Variants in GUCY1A2 observed in about 807,000 individuals in gnomAD.
GUCY1A2 encodes the protein guanylate cyclase 1 soluble subunit alpha 2.
GUCY1A2 carries 27 observed loss-of-function variants against 63.5 expected under a neutral mutation model. That is an observed-to-expected ratio of 0.43 (90% CI 0.31 to 0.59). The LOEUF (loss-of-function observed/expected upper bound fraction) is 0.59, where lower values mean the gene tolerates loss of function less well. GUCY1A2 is among the 20% of genes least tolerant of loss of function. The pLI is 0.11. For synonymous variants in GUCY1A2, 364 were observed against 343.5 expected (o/e 1.06, Z -0.66); for missense variants, 768 against 913.3 (o/e 0.84, Z 2.05).
intron 3 of GUCY1A2, among the ~76,000 whole-genome samples, chr11:106,947,964 C>T (rs543894723): frequency 6.6e-6 from 1 of 151,996 alleles, no homozygotes; most frequent in East Asian, 1.9e-4. Flanking sequence ...AAGAAAGTAA[C>T]TAAATTGGAA....
At chr11:106,710,064 G>C (rs62646306) in intron 6 of GUCY1A2, among the ~76,000 whole-genome samples, 1 of 94,172 alleles carries the variant, frequency 1.1e-5, no homozygotes, top group Non-Finnish European at 2.1e-5. Flanking sequence ...ATATATACAT[G>C]TATATAATAT....
At chr11:106,874,629 G>T (rs1298370881) in intron 4 of GUCY1A2, among the ~76,000 whole-genome samples, 2 of 151,978 alleles carry the variant, frequency 1.3e-5, no homozygotes, top group African/African-American at 4.8e-5. Flanking sequence ...AAAGAAGAAT[G>T]CCGACCTTAT....
At chr11:106,687,908 A>C in intron 7 of GUCY1A2, 152 bp from the exon 8 acceptor site, 1 of 602,274 alleles carries the variant, frequency 1.7e-6, no homozygotes, top group African/African-American at 1.9e-5. Context: ...CAGATTCCAA[A>C]TGCTAGGAAA....
intron 4 of GUCY1A2, among the ~76,000 whole-genome samples, chr11:106,847,772 G>T (rs1000357903): frequency 6.6e-6 from 1 of 151,486 alleles, no homozygotes. Context: ...ATTTATTCAT[G>T]GGATAAGAGG....
chr11:106,985,491 GT>G (rs1861389755), intron 2 of GUCY1A2, among the ~76,000 whole-genome samples: 1 of 152,122 alleles, frequency 6.6e-6, no homozygotes, highest in Admixed American at 6.5e-5. Context: ...TATCATCACA[GT>G]TTAAAAAAGA....
chr11:106,856,556 A>C (rs1471654728), intron 4 of GUCY1A2, among the ~76,000 whole-genome samples: 1 of 152,188 alleles, frequency 6.6e-6, no homozygotes, highest in Admixed American at 6.5e-5. Context: ...AACTATGTTA[A>C]ATATTTCTGT....
intron 4 of GUCY1A2, among the ~76,000 whole-genome samples, chr11:106,926,234 G>C (rs561170547): frequency 6.6e-6 from 1 of 152,054 alleles, no homozygotes; most frequent in South Asian, 2.1e-4. Context: ...AGCCTGGCCA[G>C]CATGGCAAAA....
intron 3 of GUCY1A2, among the ~76,000 whole-genome samples, chr11:106,945,392 AAAAAAAACAAAAC>A (rs995626896): frequency 1.4e-3 from 41 of 28,768 alleles, no homozygotes; most frequent in South Asian, 4.7e-3. Flanking sequence ...AAACAAAAAC[AAAAAAAACAAAAC>A]AAAAAAACAC....
At chr11:106,855,457 A>T (rs1056117638) in intron 4 of GUCY1A2, among the ~76,000 whole-genome samples, 1 of 149,684 alleles carries the variant, frequency 6.7e-6, no homozygotes, top group Non-Finnish European at 1.5e-5. Flanking sequence ...ATGTGTGGTT[A>T]TCCTCTTGCT....
At chr11:107,008,564 C>G (rs1383533773) in intron 1 of GUCY1A2, among the ~76,000 whole-genome samples, 1 of 152,146 alleles carries the variant, frequency 6.6e-6, no homozygotes, top group Non-Finnish European at 1.5e-5. Flanking sequence ...CTTATTCAAT[C>G]ATTTATTCAT....
chr11:106,968,048 A>T (rs748344278), intron 3 of GUCY1A2, among the ~76,000 whole-genome samples: 3 of 152,226 alleles, frequency 2.0e-5, no homozygotes, highest in Non-Finnish European at 2.9e-5. Context: ...CTAACAGTAG[A>T]GGTGACTTGG....
Position 106,686,417 on chromosome 11 carries a change from G to T in GUCY1A2, c.*1132C>A. On this transcript the variant is annotated 3_prime_UTR_variant, in exon 8 of 8. Transcript: ENST00000526355. ...AAACCTCAAAGCCATAAAATACAGAGGTTTCCTTGCTTTGTGTTGTACAAG... is the reference window on the plus strand; with the variant it reads ...AAACCTCAAAGCCATAAAATACAGATGTTTCCTTGCTTTGTGTTGTACAAG... 1 of 219,012 alleles carries T rather than the reference G, an allele frequency of 4.6e-6. No individual in the cohort carries two copies. The highest frequency in any genetic ancestry group is 9.2e-6 in the Non-Finnish European group (1 of 109,032). 13.6% of individuals were successfully genotyped at this position (219,012 alleles called of 1,614,324 possible).
At chr11:106,820,945 T>C (rs916048896) in intron 4 of GUCY1A2, among the ~76,000 whole-genome samples, 1 of 152,230 alleles carries the variant, frequency 6.6e-6, no homozygotes, top group Non-Finnish European at 1.5e-5. Flanking sequence ...CTCTGTGCTT[T>C]TTTATTTTCT....
chr11:106,843,303 G>A (rs1325359360), intron 4 of GUCY1A2, among the ~76,000 whole-genome samples: 1 of 151,894 alleles, frequency 6.6e-6, no homozygotes, highest in Non-Finnish European at 1.5e-5. Flanking sequence ...GGGTTGGTGA[G>A]AAATAGAAGA....
intron 3 of GUCY1A2, among the ~76,000 whole-genome samples, chr11:106,968,245 C>T: frequency 6.6e-6 from 1 of 152,234 alleles, no homozygotes; most frequent in Non-Finnish European, 1.5e-5. Context: ...GGTATCATGT[C>T]TATAGGCCTC....
At chr11:106,708,396 C>G in intron 7 of GUCY1A2, 116 bp downstream of exon 7, 2 of 791,262 alleles carry the variant, frequency 2.5e-6, no homozygotes, top group South Asian at 4.0e-5. Flanking sequence ...GGCAGTTCTA[C>G]TCATAATATC....
At chr11:106,935,565 T>C (rs1944211) in intron 4 of GUCY1A2, among the ~76,000 whole-genome samples, 23,242 of 152,098 alleles carry the variant, frequency 0.15, 2,138 homozygotes, top group South Asian at 0.27. Context: ...CATGGCCAAG[T>C]GCGGTGGCTC....
At chr11:106,927,010 A>C (rs2119927344) in intron 4 of GUCY1A2, among the ~76,000 whole-genome samples, 1 of 149,586 alleles carries the variant, frequency 6.7e-6, no homozygotes, top group African/African-American at 2.4e-5. Context: ...TAAAAATCGT[A>C]TCTACTTAAA....
chr11:106,720,212 A>G (rs1467834155), intron 6 of GUCY1A2, among the ~76,000 whole-genome samples: 2 of 152,236 alleles, frequency 1.3e-5, no homozygotes, highest in East Asian at 3.8e-4. Context: ...TGGCAAACAC[A>G]AAACAGTTTG....
Sources: gnomAD v4.1 joint callset for allele counts (sites outside exome capture counted in the v4.1 genomes callset) on GRCh38, gnomAD v4.1.1 for gene constraint, MANE v1.5 for transcripts, NCBI Gene and HGNC (gene_info 2026-07-23, HGNC 2026-07-21) for gene names.